Variants in DPYD observed in about 807,000 individuals in gnomAD.
DPYD encodes the protein dihydropyrimidine dehydrogenase.
A neutral mutation model predicts 116.2 loss-of-function variants in DPYD; 109 were observed. The observed-to-expected ratio is 0.94, with a 90% confidence interval of 0.80 to 1.10. The LOEUF is 1.10. DPYD is among the 50% of genes least tolerant of loss of function. The pLI is 0.00. For synonymous variants in DPYD, 440 were observed against 432.0 expected, an observed-to-expected ratio of 1.02 and a Z score of -0.23; for missense variants, 1,302 against 1,254.5, an observed-to-expected ratio of 1.04 and a Z score of -0.57.
intron 6 of DPYD, among the ~76,000 whole-genome samples, chr1:97,698,630 CAT>C (rs1557890683): frequency 1.3e-5 from 2 of 151,568 alleles, no homozygotes; most frequent in African/African-American, 4.8e-5. Context: ...TGATAATATA[CAT>C]AGAGAAAATA....
chr1:97,537,081 T>G (rs1650056740), intron 12 of DPYD, among the ~76,000 whole-genome samples: 2 of 152,250 alleles, frequency 1.3e-5, no homozygotes, highest in South Asian at 4.1e-4. Context: ...CAAGTGTCTT[T>G]TATTTAAAGT....
At chr1:97,094,009 T>C (rs1650061131) in intron 21 of DPYD, among the ~76,000 whole-genome samples, 1 of 152,016 alleles carries the variant, frequency 6.6e-6, no homozygotes, top group Non-Finnish European at 1.5e-5. Context: ...CGTTCTCATA[T>C]AAACAAAACA....
intron 8 of DPYD, among the ~76,000 whole-genome samples, chr1:97,668,841 T>C (rs1190174579): frequency 6.6e-6 from 1 of 151,736 alleles, no homozygotes. Flanking sequence ...CTACCAAGTA[T>C]TTTTTTTAAA....
intron 13 of DPYD, among the ~76,000 whole-genome samples, chr1:97,464,430 G>A (rs563656617): frequency 6.6e-6 from 1 of 152,266 alleles, no homozygotes; most frequent in Non-Finnish European, 1.5e-5. Flanking sequence ...TGCCTCCAGG[G>A]CATGTCAGAG....
chr1:97,485,765 A>G (rs1678597862), intron 13 of DPYD, among the ~76,000 whole-genome samples: 1 of 152,138 alleles, frequency 6.6e-6, no homozygotes, highest in Admixed American at 6.5e-5. Context: ...AGCAACTACA[A>G]GGCTGCCCCC....
At chr1:97,178,729 A>G (rs1271986198) in intron 20 of DPYD, among the ~76,000 whole-genome samples, 3 of 152,198 alleles carry the variant, frequency 2.0e-5, no homozygotes, top group Non-Finnish European at 4.4e-5. Flanking sequence ...GGAAACAGTT[A>G]CAAGTTATCT....
chr1:97,656,237 T>A (rs1658897794), intron 8 of DPYD, among the ~76,000 whole-genome samples: 1 of 152,200 alleles, frequency 6.6e-6, no homozygotes. Flanking sequence ...TCTCCACTTG[T>A]AGCATGCAGA....
chr1:97,291,631 G>C (rs572111257), intron 18 of DPYD, among the ~76,000 whole-genome samples: 9 of 151,052 alleles, frequency 6.0e-5, no homozygotes, highest in Admixed American at 6.0e-4. Flanking sequence ...GGTGGGAATT[G>C]AACAATGAGA....
intron 1 of DPYD, among the ~76,000 whole-genome samples, chr1:97,918,907 C>T (rs552931213): frequency 5.0e-4 from 76 of 152,254 alleles, no homozygotes; most frequent in African/African-American, 1.7e-3. Context: ...AATCAGATCT[C>T]TAGACAATGG....
chr1:97,182,145 T>G (rs1187360949), intron 20 of DPYD, among the ~76,000 whole-genome samples: 1 of 152,102 alleles, frequency 6.6e-6, no homozygotes, highest in Non-Finnish European at 1.5e-5. Flanking sequence ...CACACACTGA[T>G]GAGATGATCA....
chr1:97,753,064 G>A (rs1161073031), intron 3 of DPYD, among the ~76,000 whole-genome samples: 1 of 151,906 alleles, frequency 6.6e-6, no homozygotes, highest in East Asian at 1.9e-4. Flanking sequence ...TATTTAGTAG[G>A]TATTTATGCA....
intron 19 of DPYD, among the ~76,000 whole-genome samples, chr1:97,234,424 C>T (rs1275488213): frequency 6.6e-6 from 1 of 152,112 alleles, no homozygotes; most frequent in Non-Finnish European, 1.5e-5. Context: ...AGTTATAAAG[C>T]TAATAATTTA....
At chr1:97,755,699 A>C (rs1665189903) in intron 3 of DPYD, among the ~76,000 whole-genome samples, 1 of 152,192 alleles carries the variant, frequency 6.6e-6, no homozygotes, top group Admixed American at 6.5e-5. Context: ...TCTGGATTTA[A>C]ATCCAGCTCT....
At chr1:97,153,279 G>C (rs1361458301) in intron 20 of DPYD, among the ~76,000 whole-genome samples, 1 of 152,126 alleles carries the variant, frequency 6.6e-6, no homozygotes, top group Non-Finnish European at 1.5e-5. Context: ...AATAACAGCT[G>C]CATCCACACT....
At chr1:97,480,682 T>C (rs943399764) in intron 13 of DPYD, among the ~76,000 whole-genome samples, 9 of 152,170 alleles carry the variant, frequency 5.9e-5, no homozygotes, top group Non-Finnish European at 1.2e-4. Context: ...GTTTTTAGTT[T>C]TAAAATATTA....
At chr1:97,207,196 C>T (rs1191570777) in intron 19 of DPYD, among the ~76,000 whole-genome samples, 1 of 151,980 alleles carries the variant, frequency 6.6e-6, no homozygotes, top group Non-Finnish European at 1.5e-5. Context: ...CCTTTCATTC[C>T]CTGTCCAGAA....
intron 11 of DPYD, among the ~76,000 whole-genome samples, chr1:97,551,079 A>C (rs1460170626): frequency 1.3e-5 from 2 of 152,168 alleles, no homozygotes; most frequent in African/African-American, 4.8e-5. Flanking sequence ...TTTGGAGCAG[A>C]GGACACTCAA....
chr1:97,442,338 T>G (rs10783063), intron 14 of DPYD, among the ~76,000 whole-genome samples: 120,765 of 147,106 alleles, frequency 0.82, 49,947 homozygotes, highest in Middle Eastern at 0.88. Context: ...CATTGGGAGG[T>G]TAAATCCAGT....
intron 8 of DPYD, among the ~76,000 whole-genome samples, chr1:97,598,717 A>G (rs756806840): frequency 1.3e-5 from 2 of 152,210 alleles, no homozygotes; most frequent in Non-Finnish European, 2.9e-5. Flanking sequence ...ACTACTCTAA[A>G]TGCCTGGCCC....
Sources: allele counts gnomAD v4.1 joint callset (sites outside exome capture counted in the v4.1 genomes callset), GRCh38; gene constraint gnomAD v4.1.1; transcripts MANE v1.5; gene names NCBI Gene and HGNC (gene_info 2026-07-23, HGNC 2026-07-21).